Variants in MTA3 observed in about 807,000 individuals in gnomAD.
MTA3 encodes metastasis associated 1 family member 3.
A neutral mutation model predicts 83.5 loss-of-function variants in MTA3; 34 were observed. The observed-to-expected ratio is 0.41, with a 90% CI of 0.31 to 0.54. The LOEUF (loss-of-function observed/expected upper bound fraction) is 0.54. Ranked by LOEUF, MTA3 falls within the 20% of genes least tolerant of loss-of-function variation. The pLI is 0.33. For synonymous variants in MTA3, 303 were observed against 252.7 expected (o/e 1.20, Z -1.89); for missense variants, 761 against 726.4 (o/e 1.05, Z -0.55).
chr2:42,636,947 A>G (rs184540016), intron 4 of MTA3, among the ~76,000 whole-genome samples: 1 of 152,290 alleles, frequency 6.6e-6, no homozygotes, highest in African/African-American at 2.4e-5. Flanking sequence ...TTATACAAAT[A>G]TGTACTAGCT....
At chr2:42,609,090 G>A (rs984709518) in intron 3 of MTA3, among the ~76,000 whole-genome samples, 1 of 142,866 alleles carries the variant, frequency 7.0e-6, no homozygotes, top group African/African-American at 2.7e-5. Context: ...GGTGTGAAGT[G>A]TACGATCTTG....
intron 2 of MTA3, among the ~76,000 whole-genome samples, chr2:42,537,804 C>T (rs1676318095): frequency 1.3e-5 from 2 of 152,010 alleles, no homozygotes; most frequent in African/African-American, 2.4e-5. Flanking sequence ...GTTGAAATTC[C>T]TGGATGTGGT....
chr2:42,601,195 T>G (rs1474407223), intron 3 of MTA3, among the ~76,000 whole-genome samples: 1 of 152,116 alleles, frequency 6.6e-6, no homozygotes, highest in African/African-American at 2.4e-5. Flanking sequence ...TGAGTCACCA[T>G]CCCTGACCCA....
In MTA3 at chr2:42,754,423, C is replaced by T. The variant is rs551842434; in HGVS notation, c.*1024C>T. On this transcript the variant is annotated 3_prime_UTR_variant, in exon 17 of 17. Transcript: ENST00000405094. The stretch of plus-strand genomic sequence containing the variant: ...TTGTGAGCACATGTGACCTAGGCCC[C>T]GGGGGACCTGCCTGCTCCTTTGGCT... 525 of 985,548 alleles carry T rather than the reference C, an allele frequency of 5.3e-4. No homozygotes were observed. The highest frequency in any genetic ancestry group is 5.0e-4 in the Non-Finnish European group (419 of 830,028). The allele number at this position is 985,548 out of a possible 1,614,324, so 61.1% of individuals were successfully genotyped here. A position where few individuals can be genotyped will look rare whatever the true frequency, so the allele number is the denominator to read the frequency against.
Position 42,756,298 on chromosome 2 carries a change from C to A in MTA3, c.*2899C>A. 1 of 230,832 alleles carries A rather than the reference C, an allele frequency of 4.3e-6. No individual in the cohort carries two copies. The highest frequency in any genetic ancestry group is 1.6e-4 in the South Asian group (1 of 6,334). The allele number at this position is 230,832 out of a possible 1,614,324, so 14.3% of individuals were successfully genotyped here. ...TTCTTGTCAGAAACATTTCCCCAGG[C>A]AGAGAGAGGGGGCCCCAGCCTCTCC... On this transcript the variant is annotated 3_prime_UTR_variant, in exon 17 of 17. Transcript: ENST00000405094.
intron 16 of MTA3, among the ~76,000 whole-genome samples, chr2:42,730,986 G>A (rs1305264787): frequency 6.6e-6 from 1 of 152,046 alleles, no homozygotes; most frequent in Middle Eastern, 3.2e-3. Flanking sequence ...TTTCCAGTTT[G>A]TTGGCATTTA....
At chr2:42,581,715 G>A (rs1231448360) in intron 3 of MTA3, 5 of 246,098 alleles carry the variant, frequency 2.0e-5, no homozygotes, top group Non-Finnish European at 4.1e-5. Flanking sequence ...TTACAAGCAT[G>A]ATTAAATCCA....
rs1553336636 is a variant in MTA3, at chr2:42,517,879, A to AAAG, written c.-141+22631_-141+22633dup. ...GACTCTGTCTCAAAAAAAAAAAAAAAAAGAAGAAAAGAAAATACAGTAGAG... is the reference window on the plus strand; with the variant it reads ...GACTCTGTCTCAAAAAAAAAAAAAAAAAGAAGAAGAAAAGAAAATACAGTAGAG... On this transcript the variant is annotated intron_variant, in intron 2 of 17. Coordinates refer to the MTA3 transcript ENST00000405592. 1.4e-3 allele frequency among the ~76,000 whole-genome samples: 210 copies of AAAG among 151,080 alleles called. 2 individuals are homozygous for AAAG. The South Asian group carries it at 0.021, about 15-fold the overall frequency.
At chr2:42,518,065 C>T (rs1675237480) in intron 2 of MTA3, among the ~76,000 whole-genome samples, 1 of 151,172 alleles carries the variant, frequency 6.6e-6, no homozygotes, top group African/African-American at 2.4e-5. Context: ...AGGCACCTCC[C>T]AGCTACTCGG....
upstream of MTA3, among the ~76,000 whole-genome samples, chr2:42,567,221 G>T (rs1483925190): frequency 6.6e-6 from 1 of 152,138 alleles, no homozygotes. Context: ...AGATATCATC[G>T]CAACTGATCC....
chr2:42,573,211 C>G (rs984325061), intron 2 of MTA3, among the ~76,000 whole-genome samples: 1 of 152,200 alleles, frequency 6.6e-6, no homozygotes, highest in Non-Finnish European at 1.5e-5. Context: ...TAATACCTTT[C>G]CCTCAAAATG....
At chr2:42,606,847 G>A (rs1278126915) in intron 3 of MTA3, among the ~76,000 whole-genome samples, 1 of 149,294 alleles carries the variant, frequency 6.7e-6, no homozygotes, top group Non-Finnish European at 1.5e-5. Flanking sequence ...GGAGGCCGAG[G>A]TTGGCGGATC....
chr2:42,733,306 C>A (rs976610373), intron 16 of MTA3, among the ~76,000 whole-genome samples: 1 of 152,280 alleles, frequency 6.6e-6, no homozygotes, highest in East Asian at 1.9e-4. Flanking sequence ...GAAACAAATG[C>A]AGAAACCCCT....
chr2:42,674,962 A>T (rs937543523), intron 8 of MTA3, among the ~76,000 whole-genome samples: 1 of 151,264 alleles, frequency 6.6e-6, no homozygotes, highest in African/African-American at 2.4e-5. Context: ...GCTAATTAAA[A>T]TTTTTTAATT....
At chr2:42,673,348 G>A (rs1691014636) in intron 8 of MTA3, among the ~76,000 whole-genome samples, 1 of 152,240 alleles carries the variant, frequency 6.6e-6, no homozygotes, top group African/African-American at 2.4e-5. Flanking sequence ...AGTACAGATG[G>A]CCCTCGACTT....
At chr2:42,701,005 G>A (rs1693812547) in intron 11 of MTA3, among the ~76,000 whole-genome samples, 1 of 152,164 alleles carries the variant, frequency 6.6e-6, no homozygotes, top group African/African-American at 2.4e-5. Context: ...GGCTGAGGTA[G>A]GAGGATTGCT....
rs574964097 is a variant in MTA3, at chr2:42,497,751, A to G, written c.-141+2497A>G. Among the ~76,000 whole-genome samples the G allele has an allele frequency of 5.3e-5, 8 of 152,326 alleles. No homozygotes were observed. In the East Asian group the frequency reaches 1.5e-3, roughly 29 times the overall value. On this transcript the variant is annotated intron_variant, in intron 2 of 17. Coordinates refer to the MTA3 transcript ENST00000405592. The stretch of plus-strand genomic sequence containing the variant: ...TAATAATACCTACATCCAAAGGGGT[A>G]ATGAAAAGATCACAAGCTGATGTGA...
At position 42,755,244 on chromosome 2, in the gene MTA3, C is replaced by T. The variant is rs1670160655; in HGVS notation, c.*1845C>T. The T allele has an allele frequency of 4.1e-6, 4 of 985,468 alleles. No individual in the cohort carries two copies. Among genetic ancestry groups the T allele is most frequent in the Non-Finnish European group, 4.8e-6 (4 of 829,962 alleles). The allele number at this position is 985,468 out of a possible 1,614,324, so 61.0% of individuals were successfully genotyped here. A position where few individuals can be genotyped will look rare whatever the true frequency, so the allele number is the denominator to read the frequency against. On this transcript the variant is annotated 3_prime_UTR_variant, in exon 17 of 17. Coordinates refer to ENST00000405094, the MANE Select transcript of MTA3 (RefSeq NM_001330442.2). ...TGGACCCAGAAGGGGAAATGATTCC[C>T]TCACCCTTTCACTTTCTCTCTGAAC...
chr2:42,746,964 G>C (rs978994354), intron 16 of MTA3, among the ~76,000 whole-genome samples: 8 of 152,096 alleles, frequency 5.3e-5, no homozygotes, highest in Non-Finnish European at 7.4e-5. Context: ...ATAGACTGAG[G>C]GGGGAAACCC....
Sources: gnomAD v4.1 joint callset for allele counts (sites outside exome capture counted in the v4.1 genomes callset) on GRCh38, gnomAD v4.1.1 for gene constraint, MANE v1.5 for transcripts, NCBI Gene and HGNC (gene_info 2026-07-23, HGNC 2026-07-21) for gene names.